Variants in MYT1L observed in about 807,000 individuals in gnomAD.
MYT1L encodes the protein myelin transcription factor 1 like.
A neutral mutation model predicts 126.7 loss-of-function variants in MYT1L; 12 were observed. The observed-to-expected ratio is 0.09, with a 90% CI of 0.06 to 0.15. MYT1L has a LOEUF of 0.15. Ranked by LOEUF, MYT1L falls within the 10% of genes least tolerant of loss-of-function variation. The probability of loss-of-function intolerance (pLI) is 1.00; values close to 1 mark genes in which losing one functional copy is unlikely to be tolerated. For synonymous variants in MYT1L, 541 were observed against 604.2 expected, an observed-to-expected ratio of 0.90 and a Z score of 1.53; for missense variants, 979 against 1,585.2, an observed-to-expected ratio of 0.62 and a Z score of 6.49.
At chr2:2,129,563 C>T (rs1262248033) in intron 3 of MYT1L, among the ~76,000 whole-genome samples, 1 of 152,164 alleles carries the variant, frequency 6.6e-6, no homozygotes, top group East Asian at 1.9e-4. Flanking sequence ...ACACAGCCAG[C>T]TGGACAAGTG....
rs1373282559 is a variant in MYT1L at position 1,929,080 on chromosome 2, C to A, written c.506-5817G>T. ...GGCTACTCCCCTGGCCAGGACCAGG[C>A]GGAGAAGCGTGAGTTCATTTCCCTC... is the stretch of plus-strand genomic sequence containing the variant. On this transcript the variant is annotated intron_variant, in intron 9 of 24. Transcript: ENST00000647738. This position sits in a 1 kb window ranked among gnomAD's most constrained non-coding sequence, Gnocchi z 4.7. Among the ~76,000 whole-genome samples the A allele has an allele frequency of 6.6e-6, 1 of 152,100 alleles. No individual in the cohort carries two copies. Among genetic ancestry groups the A allele is most frequent in the Non-Finnish European group, 1.5e-5 (1 of 68,002 alleles).
In MYT1L at chr2:1,912,443, AG is replaced by A. The variant is rs1303041564; in HGVS notation, c.1619-334del. Among the ~76,000 whole-genome samples, 4 of 152,214 alleles carry A rather than the reference AG, an allele frequency of 2.6e-5. No individual in the cohort carries two copies. The highest frequency in any genetic ancestry group is 5.9e-5 in the Non-Finnish European group (4 of 68,046). ...AGGAGCTGGGGAGTTCAGAGAACAC[AG>A]AACTGACTCTTTCCTGATGGGCTAG... On this transcript the variant is annotated intron_variant, in intron 11 of 24. Transcript: ENST00000647738. This position sits in a 1 kb window ranked among gnomAD's most constrained non-coding sequence, Gnocchi z 4.3.
chr2:1,820,147 T>G (rs1447992891), intron 21 of MYT1L, among the ~76,000 whole-genome samples: 1 of 152,198 alleles, frequency 6.6e-6, no homozygotes, highest in East Asian at 1.9e-4. Flanking sequence ...TAAGAAGGGC[T>G]GGGGCTTGGT....
chr2:1,983,478 G>A (rs2060762718), intron 5 of MYT1L, among the ~76,000 whole-genome samples: 1 of 152,214 alleles, frequency 6.6e-6, no homozygotes, highest in South Asian at 2.1e-4. Flanking sequence ...TAAAACGTAT[G>A]GTCTGAAATG....
intron 18 of MYT1L, among the ~76,000 whole-genome samples, chr2:1,858,089 C>G (rs1264981693): frequency 6.6e-6 from 1 of 152,202 alleles, no homozygotes; most frequent in Non-Finnish European, 1.5e-5. Context: ...GTCTCAAACT[C>G]CTGACCTCAA....
chr2:1,879,090 G>A (rs1487508429), intron 18 of MYT1L, among the ~76,000 whole-genome samples: 2 of 152,170 alleles, frequency 1.3e-5, no homozygotes, highest in Admixed American at 6.5e-5. Context: ...AATTGCAGAC[G>A]TGGCTGTGAG....
intron 2 of MYT1L, among the ~76,000 whole-genome samples, chr2:2,190,555 T>TAAAAAA (rs777939174): frequency 4.3e-4 from 47 of 108,352 alleles, no homozygotes; most frequent in East Asian, 5.3e-4. Context: ...CAAGACCTGT[T>TAAAAAA]AAAAAAAAAA....
intron 1 of MYT1L, among the ~76,000 whole-genome samples, chr2:2,310,484 C>T (rs2095949090): frequency 6.6e-6 from 1 of 152,204 alleles, no homozygotes; most frequent in South Asian, 2.1e-4. Context: ...TCTACTACAT[C>T]TCTATTGATG....
Position 1,953,841 on chromosome 2 carries a change from A to G in MYT1L, c.153-10507T>C, listed in dbSNP as rs528103451. ...CCACCCTTGCCACTTGCAAGACTAG[A>G]ATGTTGATAATGTTACCACAGAAGT... On this transcript the variant is annotated intron_variant, in intron 8 of 24. Transcript: ENST00000647738. Among the ~76,000 whole-genome samples the G allele has an allele frequency of 1.7e-4, 26 of 152,298 alleles. No homozygotes were observed. In the South Asian group the frequency reaches 5.4e-3, roughly 32 times the overall value.
chr2:1,874,352 G>A (rs1260177102), intron 18 of MYT1L, among the ~76,000 whole-genome samples: 1 of 151,992 alleles, frequency 6.6e-6, no homozygotes, highest in Non-Finnish European at 1.5e-5. Flanking sequence ...TGTAACAGGG[G>A]GAAAAGTGCT....
intron 2 of MYT1L, among the ~76,000 whole-genome samples, chr2:2,185,921 C>T (rs1330810595): frequency 8.3e-6 from 1 of 121,032 alleles, no homozygotes; most frequent in East Asian, 2.6e-4. Context: ...TTCCCAAGTC[C>T]CGCGTTCCTT....
At chr2:2,033,603 A>T (rs2066647910) in intron 4 of MYT1L, among the ~76,000 whole-genome samples, 1 of 152,034 alleles carries the variant, frequency 6.6e-6, no homozygotes, top group Non-Finnish European at 1.5e-5. Context: ...TGAAATCAGG[A>T]ACAAACATTA....
intron 3 of MYT1L, among the ~76,000 whole-genome samples, chr2:2,172,280 T>C (rs2090157510): frequency 6.6e-6 from 1 of 151,466 alleles, no homozygotes; most frequent in South Asian, 2.1e-4. Flanking sequence ...GTGTAGATTC[T>C]GTGTGCAGTG....
chr2:1,885,944 T>C (rs935910199), intron 18 of MYT1L, among the ~76,000 whole-genome samples: 1 of 152,208 alleles, frequency 6.6e-6, no homozygotes, highest in African/African-American at 2.4e-5. Flanking sequence ...ATTTCACCAA[T>C]TTGCCAGATT....
intron 8 of MYT1L, among the ~76,000 whole-genome samples, chr2:1,965,410 G>GGC (rs1194350954): frequency 3.5e-5 from 5 of 142,920 alleles, no homozygotes; most frequent in African/African-American, 5.3e-5. Flanking sequence ...GGAGGACCCA[G>GGC]ACTCTGTGAC....
chr2:2,101,206 A>T (rs2078027036), intron 3 of MYT1L, among the ~76,000 whole-genome samples: 1 of 151,924 alleles, frequency 6.6e-6, no homozygotes, highest in Non-Finnish European at 1.5e-5. Flanking sequence ...ATTTTTTTTT[A>T]AATGCCTATT....
intron 3 of MYT1L, among the ~76,000 whole-genome samples, chr2:2,130,630 T>C (rs933248146): frequency 6.6e-6 from 1 of 152,198 alleles, no homozygotes; most frequent in Non-Finnish European, 1.5e-5. Context: ...GCAGGTCATT[T>C]TGACCCAGAG....
intron 1 of MYT1L, among the ~76,000 whole-genome samples, chr2:2,308,273 A>G (rs943197843): frequency 2.6e-5 from 4 of 151,962 alleles, no homozygotes; most frequent in African/African-American, 9.7e-5. Context: ...ATGCTTCAGT[A>G]CACTCTACCT....
At chr2:2,105,279 T>C (rs1328479503) in intron 3 of MYT1L, among the ~76,000 whole-genome samples, 4 of 152,268 alleles carry the variant, frequency 2.6e-5, no homozygotes, top group South Asian at 2.1e-4. Flanking sequence ...TGCAATGTGC[T>C]CGTGGGATAC....
Sources: allele counts gnomAD v4.1 joint callset (sites outside exome capture counted in the v4.1 genomes callset), GRCh38; gene constraint gnomAD v4.1.1; non-coding constraint Gnocchi (gnomAD v3.1); transcripts MANE v1.5; gene names NCBI Gene and HGNC (gene_info 2026-07-23, HGNC 2026-07-21).